Variants in RBFOX1 observed in about 807,000 individuals in gnomAD.
RBFOX1 encodes the protein RNA binding protein fox-1 homolog 1.
RBFOX1 carries 8 observed loss-of-function variants against 57.7 expected under a neutral mutation model. The observed-to-expected ratio is 0.14, with a 90% CI of 0.08 to 0.25. RBFOX1 has a LOEUF of 0.25. RBFOX1 is among the 10% of genes least tolerant of loss of function. The probability of loss-of-function intolerance (pLI) is 1.00; values close to 1 mark genes in which losing one functional copy is unlikely to be tolerated. For missense variants in RBFOX1, 611 were observed against 548.5 expected (o/e 1.11, Z -1.14); for synonymous variants, 326 against 222.4 (o/e 1.47, Z -4.15).
rs1417202981 is a variant in RBFOX1, at chr16:6,415,317, C to T, written c.-64+98260C>T. ...AGTGTAACAGGGTACTAGTGTTACC[C>T]CATTTTCAAAAGCACAAAAGATGCA... On this transcript the variant is annotated intron_variant, in intron 2 of 15. Transcript: ENST00000550418. 2.0e-5 allele frequency among the ~76,000 whole-genome samples: 3 copies of T among 151,296 alleles called. No individual in the cohort carries two copies. In the South Asian group the frequency reaches 6.3e-4, roughly 32 times the overall value.
At chr16:7,199,591 G>T (rs1442929544) in intron 4 of RBFOX1, among the ~76,000 whole-genome samples, 1 of 152,142 alleles carries the variant, frequency 6.6e-6, no homozygotes, top group Non-Finnish European at 1.5e-5. Flanking sequence ...TCAGGGCTGG[G>T]ATGAAATTAG....
At chr16:6,219,600 C>T (rs750165858) in intron 1 of RBFOX1, among the ~76,000 whole-genome samples, 1 of 151,460 alleles carries the variant, frequency 6.6e-6, no homozygotes, top group Admixed American at 6.6e-5. Context: ...ATAGGCTGAG[C>T]GTGGTGGCTC....
intron 3 of RBFOX1, among the ~76,000 whole-genome samples, chr16:6,752,058 T>C (rs2075028273): frequency 6.6e-6 from 1 of 152,154 alleles, no homozygotes; most frequent in Non-Finnish European, 1.5e-5. Flanking sequence ...AGAAAGGTGT[T>C]AATTTCTCTA....
At chr16:5,808,228 A>C (rs1456100159) in intron 3 of RBFOX1, among the ~76,000 whole-genome samples, 1 of 152,160 alleles carries the variant, frequency 6.6e-6, no homozygotes, top group Non-Finnish European at 1.5e-5. Context: ...GAAGACCAAG[A>C]AAAGACATAG....
chr16:6,963,495 T>G (rs898361944), intron 3 of RBFOX1, among the ~76,000 whole-genome samples: 2 of 152,136 alleles, frequency 1.3e-5, no homozygotes, highest in African/African-American at 2.4e-5. Flanking sequence ...AGATACATGT[T>G]AGAGGATCTG....
At chr16:6,935,064 C>G (rs558830534) in intron 3 of RBFOX1, among the ~76,000 whole-genome samples, 7 of 151,800 alleles carry the variant, frequency 4.6e-5, no homozygotes, top group African/African-American at 1.5e-4. Flanking sequence ...GCACTCCAGC[C>G]TGCGTGACAG....
intron 1 of RBFOX1, among the ~76,000 whole-genome samples, chr16:5,250,020 G>T (rs1403756296): frequency 6.6e-6 from 1 of 151,736 alleles, no homozygotes; most frequent in South Asian, 2.1e-4. Flanking sequence ...GGAGGTTGCA[G>T]TAAGGAGGAG....
chr16:7,112,055 T>A (rs2064887857), intron 4 of RBFOX1, among the ~76,000 whole-genome samples: 1 of 152,160 alleles, frequency 6.6e-6, no homozygotes. Context: ...GGTAAGTGTG[T>A]GTGTGAGAGA....
intron 3 of RBFOX1, among the ~76,000 whole-genome samples, chr16:7,038,857 C>T (rs1258497442): frequency 6.6e-6 from 1 of 152,196 alleles, no homozygotes. Flanking sequence ...GTGAAAAGCA[C>T]TTCCTCCCAA....
At chr16:5,598,503 A>G (rs1237399132) in intron 2 of RBFOX1, among the ~76,000 whole-genome samples, 1 of 152,184 alleles carries the variant, frequency 6.6e-6, no homozygotes, top group African/African-American at 2.4e-5. Flanking sequence ...GTCTTAATAT[A>G]TTTACATTTT....
chr16:5,574,350 C>G (rs1278241584), intron 2 of RBFOX1, among the ~76,000 whole-genome samples: 1 of 152,168 alleles, frequency 6.6e-6, no homozygotes, highest in Non-Finnish European at 1.5e-5. Flanking sequence ...GTTACTGATT[C>G]TCATCCAAGC....
chr16:7,535,301 G>T (rs1309802627), intron 5 of RBFOX1, among the ~76,000 whole-genome samples: 3 of 152,208 alleles, frequency 2.0e-5, no homozygotes, highest in Non-Finnish European at 2.9e-5. Flanking sequence ...GTAGCTGGGA[G>T]CCTGGAATCT....
At position 6,097,063 on chromosome 16, in the gene RBFOX1, C is replaced by A. The variant is rs926855528; in HGVS notation, c.-127+77071C>A. Among the ~76,000 whole-genome samples the A allele has an allele frequency of 1.7e-4, 26 of 152,062 alleles. No homozygotes were observed. Among genetic ancestry groups the A allele is most frequent in the African/African-American group, 6.0e-4 (25 of 41,376 alleles). On this transcript the variant is annotated intron_variant, in intron 1 of 15. Transcript: ENST00000550418. The surrounding 1 kb of genome is among the most constrained non-coding windows in gnomAD (Gnocchi z 5.0). Reference sequence around the variant, plus strand: ...TAACTGAATCATGGGGGTGGTTTCCCCCATACTGTTGTCATGGTGGTGAGT... The same window carrying A: ...TAACTGAATCATGGGGGTGGTTTCCACCATACTGTTGTCATGGTGGTGAGT...
At chr16:7,246,714 G>A (rs1388808271) in intron 4 of RBFOX1, among the ~76,000 whole-genome samples, 1 of 146,822 alleles carries the variant, frequency 6.8e-6, no homozygotes, top group African/African-American at 2.5e-5. Context: ...AGAACTCTTG[G>A]AGTTTTGTTG....
chr16:5,656,904 G>A (rs1385269620), intron 3 of RBFOX1, among the ~76,000 whole-genome samples: 4 of 152,292 alleles, frequency 2.6e-5, no homozygotes, highest in South Asian at 2.1e-4. Context: ...GACACAGGGA[G>A]GGGAACATCA....
intron 5 of RBFOX1, among the ~76,000 whole-genome samples, chr16:7,518,837 A>T (rs1019040162): frequency 6.6e-6 from 1 of 152,160 alleles, no homozygotes; most frequent in African/African-American, 2.4e-5. Context: ...AGCCTGGGCA[A>T]CAAAGTGAGA....
chr16:6,363,596 T>A (rs1253276280), intron 2 of RBFOX1, among the ~76,000 whole-genome samples: 2 of 152,212 alleles, frequency 1.3e-5, no homozygotes, highest in African/African-American at 4.8e-5. Context: ...TGTCACATTT[T>A]TGAAGGGAAC....
chr16:6,691,710 A>AC (rs1402621129), intron 3 of RBFOX1, among the ~76,000 whole-genome samples: 2 of 152,162 alleles, frequency 1.3e-5, no homozygotes, highest in East Asian at 3.9e-4. Context: ...ATCCCCAGGA[A>AC]CCATGGATAT....
At chr16:5,781,904 A>C (rs75500062) in intron 3 of RBFOX1, among the ~76,000 whole-genome samples, 38 of 152,316 alleles carry the variant, frequency 2.5e-4, no homozygotes, top group Non-Finnish European at 3.8e-4. Flanking sequence ...AGACAGGGTA[A>C]TTTATAAAGA....
Sources: allele counts gnomAD v4.1 joint callset (sites outside exome capture counted in the v4.1 genomes callset), GRCh38; gene constraint gnomAD v4.1.1; non-coding constraint Gnocchi (gnomAD v3.1); transcripts MANE v1.5; gene names NCBI Gene and HGNC (gene_info 2026-07-23, HGNC 2026-07-21).